The following CLPB variants were observed in gnomAD, a reference collection of about 807,000 sequenced individuals.
CLPB encodes ClpB family mitochondrial disaggregase.
In CLPB, 40 loss-of-function variants were observed where a neutral mutation model predicts 78.4. The ratio of observed to expected loss-of-function variants is 0.51; its 90% confidence interval spans 0.40 to 0.66. CLPB has a LOEUF of 0.66. Among genes scored for constraint, CLPB ranks in the 30% least tolerant of loss-of-function variants. The probability of loss-of-function intolerance (pLI) is 0.00; values close to 1 mark genes in which losing one functional copy is unlikely to be tolerated. For synonymous variants in CLPB, 333 were observed against 348.0 expected (o/e 0.96, Z 0.48); for missense variants, 780 against 886.9 (o/e 0.88, Z 1.53).
rs941524678 is a variant in CLPB at position 72,289,420 on chromosome 11, G to C, written c.*3947C>G. 2 of 152,094 alleles carry C rather than the reference G, an allele frequency of 1.3e-5. No individual in the cohort carries two copies. Among genetic ancestry groups the C allele is most frequent in the Non-Finnish European group, 2.9e-5 (2 of 68,042 alleles). The allele number at this position is 152,094 out of a possible 1,614,324, so 9.4% of individuals were successfully genotyped here. ...GGCTGGTTACTAGCTGACTTAACTAGAGCCTCTATGGGAAGTCTAAACATC... is the reference window on the plus strand; with the variant it reads ...GGCTGGTTACTAGCTGACTTAACTACAGCCTCTATGGGAAGTCTAAACATC... On this transcript the variant is annotated 3_prime_UTR_variant, in exon 16 of 16. Transcript: ENST00000538039.
At chr11:72,336,754 T>C (rs1950329364) in intron 5 of CLPB, 1 of 238,502 alleles carries the variant, frequency 4.2e-6, no homozygotes. Context: ...ATCAGAGACA[T>C]GTCAATGTGG....
chr11:72,379,280 G>A (rs530015595), intron 4 of CLPB, among the ~76,000 whole-genome samples: 4 of 152,274 alleles, frequency 2.6e-5, no homozygotes, highest in Admixed American at 2.6e-4. Flanking sequence ...TGGCATCACT[G>A]CTAACACTAA....
chr11:72,345,416 C>T lies in CLPB; in HGVS notation c.775+13464G>A, dbSNP rs191869745. Among the ~76,000 whole-genome samples the T allele has an allele frequency of 2.3e-3, 343 of 152,214 alleles. 2 individuals carry two copies. Among genetic ancestry groups the T allele is most frequent in the African/African-American group, 7.8e-3 (324 of 41,518 alleles). ...TAAGTTAAAAAAGCAAACTGCAAAG[C>T]GACATATACAGTATGCTACCTTTTG... On this transcript the variant is annotated intron_variant, in intron 5 of 15. Transcript: ENST00000538039.
intron 2 of CLPB, among the ~76,000 whole-genome samples, chr11:72,408,357 G>C (rs1340387463): frequency 8.5e-5 from 13 of 152,130 alleles, no homozygotes; most frequent in Non-Finnish European, 7.4e-5. Context: ...GTAAGGAGTG[G>C]TGGCACCTGG....
intron 2 of CLPB, among the ~76,000 whole-genome samples, chr11:72,421,201 G>A (rs934951030): frequency 6.6e-6 from 1 of 152,136 alleles, no homozygotes; most frequent in Non-Finnish European, 1.5e-5. Flanking sequence ...GTATATACCT[G>A]GCTGGTATCC....
intron 6 of CLPB, among the ~76,000 whole-genome samples, chr11:72,318,613 T>TA (rs772566363): frequency 7.2e-5 from 11 of 152,262 alleles, no homozygotes; most frequent in Non-Finnish European, 1.3e-4. Flanking sequence ...GCAGAGTGGA[T>TA]AAAAAATACC....
intron 2 of CLPB, among the ~76,000 whole-genome samples, chr11:72,409,021 CAG>C (rs1395556252): frequency 6.6e-6 from 1 of 152,230 alleles, no homozygotes; most frequent in East Asian, 1.9e-4. Context: ...ATGCTTGTGA[CAG>C]AGTACGGTGT....
At chr11:72,402,253 T>C (rs1855585103) in intron 3 of CLPB, among the ~76,000 whole-genome samples, 1 of 151,630 alleles carries the variant, frequency 6.6e-6, no homozygotes, top group Non-Finnish European at 1.5e-5. Context: ...CAAGCAAGAC[T>C]GTATCTCAAA....
chr11:72,416,918 A>C (rs1856043621), intron 2 of CLPB, among the ~76,000 whole-genome samples: 1 of 152,150 alleles, frequency 6.6e-6, no homozygotes, highest in Non-Finnish European at 1.5e-5. Flanking sequence ...CACTGATGAC[A>C]ACAATTGTTG....
chr11:72,393,071 G>T (rs1855301559), intron 3 of CLPB, among the ~76,000 whole-genome samples: 1 of 152,184 alleles, frequency 6.6e-6, no homozygotes, highest in African/African-American at 2.4e-5. Context: ...TAGGGGCAAG[G>T]CTCGAGGAAG....
At position 72,287,939 on chromosome 11, in the gene CLPB, G is replaced by T. The variant is rs1223661832; in HGVS notation, c.*5428C>A. 6.6e-6 allele frequency: 1 copy of T among 152,042 alleles called. No homozygotes were observed. Among genetic ancestry groups the T allele is most frequent in the Non-Finnish European group, 1.5e-5 (1 of 68,000 alleles). 9.4% of individuals were successfully genotyped at this position (152,042 alleles called of 1,614,324 possible). On this transcript the variant is annotated 3_prime_UTR_variant, in exon 16 of 16. Coordinates refer to ENST00000538039, the MANE Select transcript of CLPB (RefSeq NM_001258392.3). ...TATCTATTTTATTGGTGCTTTCAAAGAATTTTTTAATTTATTCTTTTTCTT... is the reference window on the plus strand; with the variant it reads ...TATCTATTTTATTGGTGCTTTCAAATAATTTTTTAATTTATTCTTTTTCTT...
At chr11:72,298,449 A>G (rs1255575513) in intron 11 of CLPB, among the ~76,000 whole-genome samples, 2 of 151,944 alleles carry the variant, frequency 1.3e-5, no homozygotes, top group African/African-American at 2.4e-5. Flanking sequence ...TGTCCCCTCT[A>G]CCCCACACAG....
intron 2 of CLPB, among the ~76,000 whole-genome samples, chr11:72,424,231 A>T (rs1310500307): frequency 1.3e-5 from 2 of 152,230 alleles, no homozygotes; most frequent in African/African-American, 2.4e-5. Flanking sequence ...TGCAAAATGT[A>T]TCGGGCCCAG....
intron 5 of CLPB, chr11:72,332,819 T>C (rs559167622): frequency 3.3e-5 from 5 of 152,348 alleles, no homozygotes; most frequent in African/African-American, 1.2e-4. Context: ...CTCCATTCTG[T>C]GGATATACTA....
chr11:72,305,261 C>G (rs977839910), intron 9 of CLPB, among the ~76,000 whole-genome samples: 3 of 152,166 alleles, frequency 2.0e-5, no homozygotes, highest in African/African-American at 7.2e-5. Context: ...TTAGATAAGC[C>G]TAAGAATGCT....
At chr11:72,404,811 G>A (rs567362009) in intron 2 of CLPB, among the ~76,000 whole-genome samples, 1 of 152,312 alleles carries the variant, frequency 6.6e-6, no homozygotes, top group African/African-American at 2.4e-5. Flanking sequence ...AGTATTAAGA[G>A]AGGTTAGGAA....
chr11:72,410,935 C>T (rs953397340), intron 2 of CLPB: 1 of 152,108 alleles, frequency 6.6e-6, no homozygotes, highest in East Asian at 1.9e-4. Flanking sequence ...CATACTATTA[C>T]TCTTTTTTAA....
At position 72,289,532 on chromosome 11, in the gene CLPB, T is replaced by C. The variant is rs141644623; in HGVS notation, c.*3835A>G. On this transcript the variant is annotated 3_prime_UTR_variant, in exon 16 of 16. Transcript: ENST00000538039. Reference sequence around the variant, plus strand: ...ATAAAAATGGCAGTCGCAAACCCTATGGTATTGAATTAAAACCGTATCTAA... The same window carrying C: ...ATAAAAATGGCAGTCGCAAACCCTACGGTATTGAATTAAAACCGTATCTAA... The C allele has an allele frequency of 1.2e-3, 185 of 152,288 alleles. No homozygotes were observed. Among genetic ancestry groups the C allele is most frequent in the African/African-American group, 4.4e-3 (182 of 41,564 alleles). The allele number at this position is 152,288 out of a possible 1,614,324, so 9.4% of individuals were successfully genotyped here.
At chr11:72,317,059 C>A in intron 7 of CLPB, 47 bp downstream of exon 7, 4 of 1,345,700 alleles carry the variant, frequency 3.0e-6, no homozygotes, top group Non-Finnish European at 3.1e-6. Flanking sequence ...CAGGATGTAC[C>A]CCTCAAAGGG....
Sources: gnomAD v4.1 joint callset for allele counts (sites outside exome capture counted in the v4.1 genomes callset) on GRCh38, gnomAD v4.1.1 for gene constraint, MANE v1.5 for transcripts, NCBI Gene and HGNC (gene_info 2026-07-23, HGNC 2026-07-21) for gene names.